The following XPR1 variants were observed in gnomAD, a reference collection of about 807,000 sequenced individuals.
The protein encoded by XPR1 is solute carrier family 53 member 1.
XPR1 carries 28 observed loss-of-function variants against 87.5 expected under a neutral mutation model. The ratio of observed to expected loss-of-function variants is 0.32; its 90% CI spans 0.24 to 0.44. The LOEUF (loss-of-function observed/expected upper bound fraction) is 0.44, where lower values mean the gene tolerates loss of function less well. Among genes scored for constraint, XPR1 ranks in the 20% least tolerant of loss-of-function variants. XPR1 has a pLI of 1.00. For missense variants in XPR1, 559 were observed against 862.3 expected, an observed-to-expected ratio of 0.65 and a Z score of 4.41; for synonymous variants, 300 against 306.1, an observed-to-expected ratio of 0.98 and a Z score of 0.21.
intron 14 of XPR1, among the ~76,000 whole-genome samples, chr1:180,880,547 G>A (rs1010118602): frequency 1.3e-5 from 2 of 152,236 alleles, no homozygotes; most frequent in Non-Finnish European, 2.9e-5. Context: ...CTGTCTGGAG[G>A]AAAAGGTTGT....
intron 1 of XPR1, among the ~76,000 whole-genome samples, chr1:180,663,955 A>T (rs533740450): frequency 6.6e-6 from 1 of 152,120 alleles, no homozygotes. Context: ...GGTACCACCA[A>T]TGTGCACTTA....
intron 2 of XPR1, among the ~76,000 whole-genome samples, chr1:180,761,556 C>G (rs1411493702): frequency 6.6e-6 from 1 of 152,182 alleles, no homozygotes; most frequent in African/African-American, 2.4e-5. Flanking sequence ...AAATGCAAAT[C>G]AAAACCACAA....
At position 180,691,617 on chromosome 1, in the gene XPR1, C is replaced by T. The variant is rs527485011; in HGVS notation, c.121+9206C>T. On this transcript the variant is annotated intron_variant, in intron 2 of 14. Transcript: ENST00000367590. ...CTTCTTTAGTCTCCCTGTTCCCTCT[C>T]CAGTCTTGTGAACAGGTTTTGTTAG... Among the ~76,000 whole-genome samples the T allele has an allele frequency of 8.1e-4, 123 of 152,264 alleles. 1 individual carries two copies. Among genetic ancestry groups the T allele is most frequent in the Non-Finnish European group, 1.2e-3 (83 of 67,992 alleles).
chr1:180,745,458 G>T (rs1002616903), intron 2 of XPR1, among the ~76,000 whole-genome samples: 2 of 152,116 alleles, frequency 1.3e-5, no homozygotes, highest in African/African-American at 4.8e-5. Context: ...GTACTACTTC[G>T]CTGCTGTAAG....
intron 1 of XPR1, among the ~76,000 whole-genome samples, chr1:180,636,968 A>G (rs1040666054): frequency 5.5e-5 from 8 of 146,224 alleles, no homozygotes; most frequent in African/African-American, 1.0e-4. Context: ...AGGAGAATCG[A>G]TTGAACCGGG....
At chr1:180,688,005 G>A (rs929591950) in intron 2 of XPR1, among the ~76,000 whole-genome samples, 41 of 148,294 alleles carry the variant, frequency 2.8e-4, no homozygotes, top group African/African-American at 9.2e-4. Context: ...TGACTGAGAT[G>A]TTGACTTAGA....
chr1:180,722,249 C>A (rs932573679), intron 2 of XPR1, among the ~76,000 whole-genome samples: 7 of 152,066 alleles, frequency 4.6e-5, no homozygotes, highest in Non-Finnish European at 7.4e-5. Context: ...GAGCCCGCCA[C>A]CACACCCGGC....
intron 1 of XPR1, among the ~76,000 whole-genome samples, chr1:180,665,936 A>G (rs968305873): frequency 2.0e-5 from 3 of 152,032 alleles, no homozygotes; most frequent in African/African-American, 4.8e-5. Context: ...CTGTTCTACC[A>G]TCTTGCTCTG....
intron 2 of XPR1, among the ~76,000 whole-genome samples, chr1:180,749,870 A>G (rs949006532): frequency 3.3e-5 from 5 of 152,198 alleles, no homozygotes; most frequent in Admixed American, 2.0e-4. Flanking sequence ...ATGCTTTAAT[A>G]TTATCACTTT....
At chr1:180,708,186 A>G (rs61809345) in intron 2 of XPR1, among the ~76,000 whole-genome samples, 8,133 of 152,186 alleles carry the variant, frequency 0.053, 314 homozygotes, top group Non-Finnish European at 0.079. Flanking sequence ...AGTTTTCAGA[A>G]TTTTCAGGTG....
chr1:180,852,745 T>TC lies in XPR1; in HGVS notation c.1502-10961dup, dbSNP rs570430653. ...GTTTATTTTTTGTAAAGGTGAGGTC[T>TC]CCAACTCCTGGACTGAAGCAATCCT... On this transcript the variant is annotated intron_variant, in intron 11 of 14. Transcript: ENST00000367590. 9.2e-5 allele frequency among the ~76,000 whole-genome samples: 14 copies of TC among 152,300 alleles called. No individual in the cohort carries two copies. In the East Asian group the frequency reaches 2.7e-3, roughly 29 times the overall value.
At chr1:180,796,167 T>TTA (rs1649567514) in intron 3 of XPR1, among the ~76,000 whole-genome samples, 1 of 152,120 alleles carries the variant, frequency 6.6e-6, no homozygotes, top group Non-Finnish European at 1.5e-5. Flanking sequence ...GTATACACTT[T>TTA]TATATATACA....
intron 2 of XPR1, among the ~76,000 whole-genome samples, chr1:180,701,700 C>A (rs1219209320): frequency 2.9e-5 from 4 of 137,678 alleles, no homozygotes; most frequent in Admixed American, 7.0e-5. Flanking sequence ...TGTCTCTGCC[C>A]GGCTTTGGTA....
At chr1:180,641,360 A>G (rs1654956212) in intron 1 of XPR1, among the ~76,000 whole-genome samples, 1 of 152,228 alleles carries the variant, frequency 6.6e-6, no homozygotes, top group Admixed American at 6.5e-5. Context: ...TTGACTGGGA[A>G]AGTGAGACTC....
At chr1:180,777,495 G>A (rs962560463) in intron 2 of XPR1, among the ~76,000 whole-genome samples, 14 of 152,158 alleles carry the variant, frequency 9.2e-5, no homozygotes, top group South Asian at 8.3e-4. Context: ...TTTGCTTATC[G>A]CTGTATCCCT....
Position 180,682,386 on chromosome 1 carries a change from T to C in XPR1, c.96T>C (p.Ala32=). Residue 32 remains alanine (A), a synonymous_variant, in exon 2 of 15, where the codon GCT becomes GCC. Coordinates refer to ENST00000367590, the MANE Select transcript of XPR1 (RefSeq NM_004736.4). ...CTTTCAAGGATATGCTGTATTCAGC[T>C]CAGGACCAGGCACCTTCTGTGGAAG... ...YEAFKDMLYS[A]QDQAPSVEVT... is the part of the protein sequence containing the mutation. 1.9e-6 allele frequency: 3 copies of C among 1,603,786 alleles called. No homozygotes were observed. The highest frequency in any genetic ancestry group is 2.6e-6 in the Non-Finnish European group (3 of 1,174,826).
rs568309913 is a variant in XPR1, at chr1:180,746,945, T to C, written c.122-40808T>C. On this transcript the variant is annotated intron_variant, in intron 2 of 14. Transcript: ENST00000367590. ...TACCTACCTGGCTTTAAAATATATT[T>C]ATTTTGTACAGCACCATTAAAATCC... 1.8e-3 allele frequency among the ~76,000 whole-genome samples: 268 copies of C among 152,308 alleles called. 1 individual carries two copies. The highest frequency in any genetic ancestry group is 6.3e-3 in the African/African-American group (260 of 41,582).
intron 4 of XPR1, among the ~76,000 whole-genome samples, chr1:180,803,917 A>G (rs558074182): frequency 6.6e-6 from 1 of 152,138 alleles, no homozygotes; most frequent in East Asian, 1.9e-4. Context: ...TCTGATAGTC[A>G]TGAATAGAAA....
intron 2 of XPR1, among the ~76,000 whole-genome samples, chr1:180,690,206 A>T (rs1409655217): frequency 6.6e-6 from 1 of 152,066 alleles, no homozygotes; most frequent in East Asian, 1.9e-4. Context: ...AAGGTTTTGT[A>T]CCATTGACAG....
Sources: gnomAD v4.1 joint callset for allele counts (sites outside exome capture counted in the v4.1 genomes callset) on GRCh38, gnomAD v4.1.1 for gene constraint, MANE v1.5 for transcripts, NCBI Gene and HGNC (gene_info 2026-07-23, HGNC 2026-07-21) for gene names.